RAD51B: variants seen among roughly 807,000 people sequenced by gnomAD.
The protein encoded by RAD51B is RAD51 paralog B.
In RAD51B, 38 loss-of-function variants were observed where a neutral mutation model predicts 42.2. The observed-to-expected ratio is 0.90, with a 90% CI of 0.70 to 1.18. The LOEUF (loss-of-function observed/expected upper bound fraction) is 1.18. RAD51B is among the 50% of genes most tolerant of loss of function. The pLI, the probability that RAD51B is intolerant of heterozygous loss-of-function variation, is 0.00. For missense variants in RAD51B, 373 were observed against 400.7 expected (o/e 0.93, Z 0.59); for synonymous variants, 154 against 145.2 (o/e 1.06, Z -0.43).
rs559320907 is a variant in RAD51B at position 68,383,421 on chromosome 14, C to T, written c.854-28003C>T. On this transcript the variant is annotated intron_variant, in intron 8 of 10. Coordinates refer to ENST00000471583, the MANE Select transcript of RAD51B (RefSeq NM_133510.4). Reference sequence around the variant, plus strand: ...GATGGTCCCTCCAACCAAGACTTATCCAGCCCAAAGTGACAGGGTGCTGAG... The same window carrying T: ...GATGGTCCCTCCAACCAAGACTTATTCAGCCCAAAGTGACAGGGTGCTGAG... Among the ~76,000 whole-genome samples the T allele has an allele frequency of 7.9e-5, 12 of 152,288 alleles. No homozygotes were observed. The South Asian group carries it at 8.3e-4, about 11-fold the overall frequency.
At chr14:68,246,243 T>C (rs1310135027) in intron 7 of RAD51B, among the ~76,000 whole-genome samples, 2 of 151,630 alleles carry the variant, frequency 1.3e-5, no homozygotes, top group Non-Finnish European at 2.9e-5. Context: ...GGGAGAAAGA[T>C]TGATGAGAAC....
chr14:68,638,876 G>A (rs975621109), intron 10 of RAD51B, among the ~76,000 whole-genome samples: 15 of 152,212 alleles, frequency 9.9e-5, no homozygotes, highest in Non-Finnish European at 4.4e-5. Flanking sequence ...ACAACAGGAA[G>A]CAGAGACAGG....
At chr14:68,162,671 G>C (rs904713014) in intron 7 of RAD51B, among the ~76,000 whole-genome samples, 4 of 152,170 alleles carry the variant, frequency 2.6e-5, no homozygotes, top group Non-Finnish European at 5.9e-5. Flanking sequence ...TGTAGTCCCA[G>C]CTACTCGGGA....
chr14:67,944,201 ATTTT>A (rs370785745), intron 7 of RAD51B, among the ~76,000 whole-genome samples: 5 of 130,084 alleles, frequency 3.8e-5, no homozygotes, highest in Admixed American at 7.7e-5. Flanking sequence ...AGAAGTAAAG[ATTTT>A]TTTTTTTTTT....
chr14:67,830,494 T>G (rs1440152908), intron 3 of RAD51B, among the ~76,000 whole-genome samples: 1 of 151,870 alleles, frequency 6.6e-6, no homozygotes, highest in Non-Finnish European at 1.5e-5. Context: ...CTCTGCCTTC[T>G]GGGTTCCAGC....
chr14:68,431,021 G>T (rs1253820064), intron 9 of RAD51B, among the ~76,000 whole-genome samples: 2 of 152,144 alleles, frequency 1.3e-5, no homozygotes, highest in Non-Finnish European at 2.9e-5. Flanking sequence ...TGTGGTTTTT[G>T]TCTTTGGTTC....
intron 10 of RAD51B, among the ~76,000 whole-genome samples, chr14:68,472,997 T>A (rs1184657818): frequency 1.3e-5 from 2 of 152,192 alleles, no homozygotes; most frequent in African/African-American, 4.8e-5. Flanking sequence ...CCCACCCCAT[T>A]TTTTTAGTCA....
At chr14:68,634,420 A>G (rs1356209498) in intron 10 of RAD51B, among the ~76,000 whole-genome samples, 2 of 152,212 alleles carry the variant, frequency 1.3e-5, no homozygotes, top group Non-Finnish European at 2.9e-5. Flanking sequence ...CGGCAATGCC[A>G]GAGGAATGAA....
chr14:68,549,409 ATTTT>A (rs71129897), intron 10 of RAD51B, among the ~76,000 whole-genome samples: 10 of 63,576 alleles, frequency 1.6e-4, no homozygotes, highest in South Asian at 1.5e-3. Context: ...CCCTGGACAC[ATTTT>A]TTTTTTTTTT....
intron 1 of RAD51B, among the ~76,000 whole-genome samples, chr14:67,820,327 T>C (rs971909073): frequency 6.6e-6 from 1 of 152,208 alleles, no homozygotes; most frequent in Admixed American, 6.5e-5. Context: ...AGTATCCTTA[T>C]CTGTAAAGTG....
At chr14:68,628,128 T>C (rs1345997296) in intron 10 of RAD51B, among the ~76,000 whole-genome samples, 1 of 152,250 alleles carries the variant, frequency 6.6e-6, no homozygotes, top group South Asian at 2.1e-4. Flanking sequence ...CCAAATGTCT[T>C]GGTTTTTACA....
chr14:68,240,563 T>C (rs1346459661), intron 7 of RAD51B, among the ~76,000 whole-genome samples: 2 of 152,208 alleles, frequency 1.3e-5, no homozygotes, highest in Non-Finnish European at 1.5e-5. Context: ...TAGAGTAAGA[T>C]AAAGCGTCCA....
In RAD51B at chr14:67,825,489, A is replaced by G. The variant is rs770708663; in HGVS notation, c.110A>G (p.Glu37Gly). 1.1e-5 allele frequency: 17 copies of G among 1,613,198 alleles called. No homozygotes were observed. Among genetic ancestry groups the G allele is most frequent in the Non-Finnish European group, 1.4e-5 (16 of 1,179,516 alleles). ...CQDFLCLSPL[E>G]LMKVTGLSYR... ...GACTTTTTATGTCTTTCCCCACTGG[A>G]GCTTATGAAGGTGACTGGTCTGAGT... is the stretch of plus-strand genomic sequence containing the variant. Residue 37 changes from glutamate to glycine, a missense_variant, in exon 3 of 11, where the codon GAG becomes GGG. Transcript: ENST00000471583.
chr14:68,065,184 G>A (rs2076629964), intron 7 of RAD51B, among the ~76,000 whole-genome samples: 1 of 152,144 alleles, frequency 6.6e-6, no homozygotes, highest in Non-Finnish European at 1.5e-5. Context: ...TGTTTTGAAG[G>A]GGTAGCATAG....
chr14:68,500,462 G>A (rs1884840436), intron 10 of RAD51B, among the ~76,000 whole-genome samples: 1 of 152,236 alleles, frequency 6.6e-6, no homozygotes, highest in Non-Finnish European at 1.5e-5. Context: ...CCACAGAGAT[G>A]GTCGGGCCAG....
Position 68,244,620 on chromosome 14 carries a change from T to A in RAD51B, c.757-47264T>A, listed in dbSNP as rs145683560. Among the ~76,000 whole-genome samples the A allele has an allele frequency of 1.4e-3, 213 of 152,338 alleles. 7 individuals carry two copies. The East Asian group carries it at 0.033, about 24-fold the overall frequency. On this transcript the variant is annotated intron_variant, in intron 7 of 10. Coordinates refer to ENST00000471583, the MANE Select transcript of RAD51B (RefSeq NM_133510.4). ...AACAGTGGGTAGGGGTTAACAACAA[T>A]TCTTTGTTGCAAGCAATTGGTAGTC...
At chr14:68,335,165 C>T (rs1170712671) in intron 8 of RAD51B, among the ~76,000 whole-genome samples, 4 of 149,992 alleles carry the variant, frequency 2.7e-5, no homozygotes, top group Non-Finnish European at 4.4e-5. Context: ...GGCATGGTGG[C>T]GGGTGCTTGT....
intron 7 of RAD51B, among the ~76,000 whole-genome samples, chr14:68,214,312 C>T (rs1208063168): frequency 6.6e-6 from 1 of 152,202 alleles, no homozygotes; most frequent in Non-Finnish European, 1.5e-5. Flanking sequence ...GGAGGCCACT[C>T]ATGGAAACCT....
At chr14:67,880,643 A>G (rs1468863816) in intron 5 of RAD51B, among the ~76,000 whole-genome samples, 1 of 152,166 alleles carries the variant, frequency 6.6e-6, no homozygotes, top group Non-Finnish European at 1.5e-5. Context: ...GAATGCCATC[A>G]TATATATAAT....
Sources: gnomAD v4.1 joint callset for allele counts (sites outside exome capture counted in the v4.1 genomes callset) on GRCh38, gnomAD v4.1.1 for gene constraint, MANE v1.5 for transcripts, NCBI Gene and HGNC (gene_info 2026-07-23, HGNC 2026-07-21) for gene names.